SLC67A1: variants seen among roughly 807,000 people sequenced by gnomAD.
The protein encoded by SLC67A1 is solute carrier family 67 member A1.
the SLC67A1 span, among the ~76,000 whole-genome samples, chr11:2,912,663 C>T: frequency 4.6e-5 from 7 of 152,176 alleles, no homozygotes; most frequent in Non-Finnish European, 2.9e-5. Flanking sequence ...TGGTTTGGGC[C>T]CAGCCTCCAG....
chr11:2,901,178 G>T, the SLC67A1 span, among the ~76,000 whole-genome samples: 36 of 152,204 alleles, frequency 2.4e-4, no homozygotes. Context: ...AGCTGCTTCT[G>T]AGGCCTTCAT....
chr11:2,912,634 G>C, the SLC67A1 span, among the ~76,000 whole-genome samples: 1 of 152,164 alleles, frequency 6.6e-6, no homozygotes, highest in Non-Finnish European at 1.5e-5. Flanking sequence ...CAGGCTGCGG[G>C]GGCGGGCACT....
chr11:2,910,841 G>A, the SLC67A1 span, among the ~76,000 whole-genome samples: 1 of 152,236 alleles, frequency 6.6e-6, no homozygotes, highest in Non-Finnish European at 1.5e-5. Flanking sequence ...GTGCCACTGG[G>A]ATTTGGGTCT....
chr11:2,909,175 G>T, the SLC67A1 span: 1 of 1,488,508 alleles, frequency 6.7e-7, no homozygotes, highest in South Asian at 1.3e-5. Context: ...GTGAGGGTCC[G>T]ACCCGCCCCT....
the SLC67A1 span, among the ~76,000 whole-genome samples, chr11:2,912,121 C>G: frequency 1.4e-4 from 21 of 152,362 alleles, 1 homozygote; most frequent in African/African-American, 4.3e-4. Flanking sequence ...CCTCAGGTTC[C>G]TCATACCACA....
At chr11:2,922,150 G>A in the SLC67A1 span, 40 of 1,613,602 alleles carry the variant, frequency 2.5e-5, no homozygotes, top group Non-Finnish European at 3.4e-5. Context: ...CTTCTCGGAG[G>A]AGGTGCTGCT....
chr11:2,924,994 C>A, the SLC67A1 span: 10 of 1,596,090 alleles, frequency 6.3e-6, no homozygotes, highest in African/African-American at 9.4e-5. The surrounding 1 kb of genome is among the most constrained non-coding windows in gnomAD (Gnocchi z 8.6). Flanking sequence ...CCTGACTACC[C>A]CCATGCACCC....
At chr11:2,899,948 T>C in the SLC67A1 span, 2 of 488,128 alleles carry the variant, frequency 4.1e-6, no homozygotes, top group Non-Finnish European at 7.3e-6. Flanking sequence ...CCAGGAGGCG[T>C]CTGGAACCTG....
chr11:2,912,170 G>A, the SLC67A1 span, among the ~76,000 whole-genome samples: 1 of 152,246 alleles, frequency 6.6e-6, no homozygotes, highest in Non-Finnish European at 1.5e-5. Context: ...TGTGGCAAAA[G>A]CTGGCTGCCC....
chr11:2,919,416 G>T, the SLC67A1 span: 1 of 1,604,410 alleles, frequency 6.2e-7, no homozygotes, highest in Non-Finnish European at 8.5e-7. Context: ...TGGTGAGTGG[G>T]CACACAGGGC....
At chr11:2,909,599 A>G in the SLC67A1 span, 80 of 1,530,348 alleles carry the variant, frequency 5.2e-5, no homozygotes, top group East Asian at 6.0e-4. Context: ...GTCATCACGG[A>G]CCTGTCGGCA....
the SLC67A1 span, among the ~76,000 whole-genome samples, chr11:2,915,860 G>A: frequency 2.6e-5 from 4 of 152,348 alleles, no homozygotes; most frequent in African/African-American, 7.2e-5. Flanking sequence ...GCCAGCTTCA[G>A]GTGCCTCCGT....
At chr11:2,919,109 G>A in the SLC67A1 span, 1 of 353,804 alleles carries the variant, frequency 2.8e-6, no homozygotes, top group Non-Finnish European at 5.1e-6. Context: ...CACACGAGAG[G>A]CACTTTCCAC....
the SLC67A1 span, chr11:2,908,242 C>G: frequency 7.4e-6 from 12 of 1,613,632 alleles, no homozygotes; most frequent in Non-Finnish European, 1.7e-6. Context: ...GTACCTGTCT[C>G]GGAAACTGGG....
At chr11:2,906,919 A>G in the SLC67A1 span, among the ~76,000 whole-genome samples, 1 of 152,022 alleles carries the variant, frequency 6.6e-6, no homozygotes, top group Non-Finnish European at 1.5e-5. Flanking sequence ...GCATCCTCAC[A>G]CTAGCGGCGC....
the SLC67A1 span, chr11:2,922,258 A>G: frequency 6.4e-7 from 1 of 1,553,622 alleles, no homozygotes; most frequent in Non-Finnish European, 8.9e-7. Context: ...GGGCAAGGCC[A>G]CCTGGGCGGT....
At chr11:2,917,206 A>G in the SLC67A1 span, among the ~76,000 whole-genome samples, 1 of 152,200 alleles carries the variant, frequency 6.6e-6, no homozygotes, top group Non-Finnish European at 1.5e-5. Context: ...GGAGAGGCCA[A>G]GGCTCCTCAG....
chr11:2,909,555 C>T, the SLC67A1 span: 4 of 1,518,748 alleles, frequency 2.6e-6, no homozygotes, highest in Admixed American at 2.0e-5. Flanking sequence ...TTTCGCCGCT[C>T]AGCTCCCCCG....
the SLC67A1 span, chr11:2,917,079 A>G: frequency 1.2e-3 from 334 of 272,216 alleles, 13 homozygotes; most frequent in East Asian, 0.028. Flanking sequence ...GACCCCCCCA[A>G]TGGGGTGGGT....
Sources: allele counts gnomAD v4.1 joint callset (sites outside exome capture counted in the v4.1 genomes callset), GRCh38; gene constraint gnomAD v4.1.1; non-coding constraint Gnocchi (gnomAD v3.1); transcripts MANE v1.5; gene names NCBI Gene and HGNC (gene_info 2026-07-23, HGNC 2026-07-21).